Variants in SLC44A1 observed in about 807,000 individuals in gnomAD.
SLC44A1 encodes the protein choline transporter-like protein 1.
In SLC44A1, 26 loss-of-function variants were observed where a neutral mutation model predicts 79.3. That is an observed-to-expected ratio of 0.33 (90% CI 0.24 to 0.46). SLC44A1 has a LOEUF of 0.46. Ranked by LOEUF, SLC44A1 falls within the 20% of genes least tolerant of loss-of-function variation. The pLI, the probability that SLC44A1 is intolerant of heterozygous loss-of-function variation, is 1.00. For missense variants in SLC44A1, 688 were observed against 798.1 expected (o/e 0.86, Z 1.66); for synonymous variants, 263 against 286.2 (o/e 0.92, Z 0.82).
At chr9:105,322,948 C>T (rs1460639968) in intron 3 of SLC44A1, among the ~76,000 whole-genome samples, 5 of 151,188 alleles carry the variant, frequency 3.3e-5, no homozygotes, top group African/African-American at 4.9e-5. Context: ...TAAGGCTGGG[C>T]GCAGTGGCTC....
At chr9:105,353,274 T>A (rs1034492331) in intron 5 of SLC44A1, among the ~76,000 whole-genome samples, 1 of 152,186 alleles carries the variant, frequency 6.6e-6, no homozygotes, top group African/African-American at 2.4e-5. Context: ...TCTTTCCAAT[T>A]GGCCAACTGT....
At chr9:105,245,118 C>G (rs1370110037) in intron 1 of SLC44A1, among the ~76,000 whole-genome samples, 1 of 152,036 alleles carries the variant, frequency 6.6e-6, no homozygotes, top group Non-Finnish European at 1.5e-5. Flanking sequence ...CGCCTCTGCG[C>G]GGCGCCTAGT....
chr9:105,423,944 G>A (rs1169895571), intron 15 of SLC44A1, among the ~76,000 whole-genome samples: 1 of 152,182 alleles, frequency 6.6e-6, no homozygotes, highest in Non-Finnish European at 1.5e-5. Context: ...GTAAGTGGGT[G>A]TTGATTCCAA....
intron 1 of SLC44A1, among the ~76,000 whole-genome samples, chr9:105,273,018 G>A (rs1432110038): frequency 1.3e-5 from 2 of 150,364 alleles, no homozygotes; most frequent in East Asian, 1.9e-4. Context: ...TTGAGATGAA[G>A]TCTTGCTCTG....
At chr9:105,409,236 G>C (rs778793462) in intron 15 of SLC44A1, among the ~76,000 whole-genome samples, 3 of 152,186 alleles carry the variant, frequency 2.0e-5, no homozygotes, top group Non-Finnish European at 4.4e-5. Context: ...AAAGTGAAAA[G>C]ATGGAAAAAG....
intron 13 of SLC44A1, among the ~76,000 whole-genome samples, chr9:105,381,359 G>A (rs1052171267): frequency 6.6e-6 from 1 of 151,668 alleles, no homozygotes; most frequent in Non-Finnish European, 1.5e-5. Context: ...GGCCAACATG[G>A]TGAAACCCTG....
chr9:105,313,477 C>T (rs981374832), intron 3 of SLC44A1, among the ~76,000 whole-genome samples: 16 of 152,132 alleles, frequency 1.1e-4, no homozygotes, highest in Non-Finnish European at 2.1e-4. Flanking sequence ...GCTGGGATTT[C>T]ATCTGAGGCT....
intron 3 of SLC44A1, among the ~76,000 whole-genome samples, chr9:105,332,141 A>G (rs1826771695): frequency 7.7e-6 from 1 of 130,380 alleles, no homozygotes; most frequent in East Asian, 2.1e-4. Flanking sequence ...TTTTTTTGAG[A>G]CACAGTCTCG....
intron 15 of SLC44A1, among the ~76,000 whole-genome samples, chr9:105,428,183 G>T (rs1829347148): frequency 2.6e-5 from 4 of 151,882 alleles, no homozygotes; most frequent in Admixed American, 6.6e-5. Context: ...TAAATTTATT[G>T]ATAATTCCCT....
intron 15 of SLC44A1, among the ~76,000 whole-genome samples, chr9:105,402,512 T>C (rs984908787): frequency 6.6e-6 from 1 of 152,200 alleles, no homozygotes; most frequent in African/African-American, 2.4e-5. Flanking sequence ...CCTTTTCTGT[T>C]CCATGCTAAC....
intron 1 of SLC44A1, among the ~76,000 whole-genome samples, chr9:105,266,434 G>A (rs550554786): frequency 6.6e-6 from 1 of 152,170 alleles, no homozygotes; most frequent in African/African-American, 2.4e-5. Context: ...AAATTTTCTA[G>A]TTTTACATTT....
chr9:105,277,226 G>A (rs999901352), intron 1 of SLC44A1, among the ~76,000 whole-genome samples: 11 of 152,338 alleles, frequency 7.2e-5, no homozygotes, highest in African/African-American at 2.6e-4. Context: ...TGGTGGAGCA[G>A]GTTGTGTAGA....
chr9:105,316,219 G>A (rs1449830010), intron 3 of SLC44A1, among the ~76,000 whole-genome samples: 1 of 152,046 alleles, frequency 6.6e-6, no homozygotes, highest in East Asian at 1.9e-4. Context: ...GCTATAGGAA[G>A]CGTTTTGAAG....
Position 105,391,543 on chromosome 9 carries a change from T to C in SLC44A1, c.*2487T>C, listed in dbSNP as rs1176843092. 6.1e-6 allele frequency: 6 copies of C among 985,496 alleles called. No homozygotes were observed. Among genetic ancestry groups the C allele is most frequent in the Middle Eastern group, 5.2e-4 (1 of 1,914 alleles). 61.0% of individuals were successfully genotyped at this position (985,496 alleles called of 1,614,324 possible). ...TTACACAGGCACACACAGAGAGATA[T>C]TTAATATGTGGAATATCACTCTTTC... On this transcript the variant is annotated 3_prime_UTR_variant, in exon 16 of 16. Coordinates refer to ENST00000374720, the MANE Select transcript of SLC44A1 (RefSeq NM_080546.5).
Position 105,393,938 on chromosome 9 carries a change from G to C in SLC44A1, c.*4882G>C. ...AACATTGTAATTTACAAATGTCTCA[G>C]AAATTTCTCACTTTTATTTGCTAAG... is the stretch of plus-strand genomic sequence containing the variant. On this transcript the variant is annotated 3_prime_UTR_variant, in exon 16 of 16. Coordinates refer to ENST00000374720, the MANE Select transcript of SLC44A1 (RefSeq NM_080546.5). The C allele has an allele frequency of 1.0e-6, 1 of 984,300 alleles. No individual in the cohort carries two copies. Among genetic ancestry groups the C allele is most frequent in the African/African-American group, 1.7e-5 (1 of 57,324 alleles). The allele number at this position is 984,300 out of a possible 1,614,324, so 61.0% of individuals were successfully genotyped here. A position where few individuals can be genotyped will look rare whatever the true frequency, so the allele number is the denominator to read the frequency against.
At position 105,389,710 on chromosome 9, in the gene SLC44A1, C is replaced by T. The variant is rs1391544286; in HGVS notation, c.*654C>T. ...CTCAGGTATTTGTAGTTTACCCTAA[C>T]GCTTCTTTAAAAGAAAGTAGGTAAA... On this transcript the variant is annotated 3_prime_UTR_variant, in exon 16 of 16. Coordinates refer to ENST00000374720, the MANE Select transcript of SLC44A1 (RefSeq NM_080546.5). The T allele has an allele frequency of 1.7e-5, 21 of 1,272,618 alleles. No individual in the cohort carries two copies. Among genetic ancestry groups the T allele is most frequent in the East Asian group, 3.1e-5 (1 of 32,516 alleles). 78.8% of individuals were successfully genotyped at this position (1,272,618 alleles called of 1,614,324 possible).
intron 4 of SLC44A1, among the ~76,000 whole-genome samples, chr9:105,341,984 A>G (rs1022186919): frequency 7.2e-5 from 11 of 152,142 alleles, no homozygotes; most frequent in Non-Finnish European, 1.3e-4. Flanking sequence ...AACTGAAACC[A>G]TCTGGTGAAT....
At chr9:105,421,645 T>C (rs921935627) in intron 15 of SLC44A1, among the ~76,000 whole-genome samples, 8 of 150,136 alleles carry the variant, frequency 5.3e-5, no homozygotes, top group Non-Finnish European at 7.4e-5. Flanking sequence ...CAGAGTGCAG[T>C]GGCGCGATCT....
chr9:105,296,714 A>C (rs1282639017), intron 1 of SLC44A1, among the ~76,000 whole-genome samples: 1 of 152,228 alleles, frequency 6.6e-6, no homozygotes, highest in Non-Finnish European at 1.5e-5. Context: ...TCAAGACTGA[A>C]ATTATTTAAT....
Sources: gnomAD v4.1 joint callset for allele counts (sites outside exome capture counted in the v4.1 genomes callset) on GRCh38, gnomAD v4.1.1 for gene constraint, MANE v1.5 for transcripts, NCBI Gene and HGNC (gene_info 2026-07-23, HGNC 2026-07-21) for gene names.